Variants in SLC35D1 observed in about 807,000 individuals in gnomAD.
SLC35D1 encodes nucleotide sugar transporter SLC35D1.
Under a neutral mutation model 46.7 loss-of-function variants are expected in SLC35D1, and 31 were observed. That is an observed-to-expected ratio of 0.66 (90% confidence interval 0.50 to 0.90). The LOEUF is 0.90. Ranked by LOEUF, SLC35D1 falls within the 40% of genes least tolerant of loss-of-function variation. SLC35D1 has a pLI of 0.00. For missense variants in SLC35D1, 397 were observed against 426.2 expected (o/e 0.93, Z 0.60); for synonymous variants, 195 against 164.6 (o/e 1.18, Z -1.41).
chr1:66,991,793 GCTT>G, the SLC35D1 span, among the ~76,000 whole-genome samples: 1 of 139,808 alleles, frequency 7.2e-6, no homozygotes, highest in Non-Finnish European at 1.5e-5. Flanking sequence ...AATATTTACA[GCTT>G]TTTTTTTTAT....
chr1:67,042,234 A>C lies in SLC35D1; in HGVS notation c.729+2T>G. On this transcript the variant is annotated splice_donor_variant, in intron 8 of 11. Transcript: ENST00000235345. LOFTEE classifies it high-confidence loss of function. ...CATTAAACCGTAATTAGAAAGTCCT[A>C]CCTTTTGTGCATCTCCTGTGAAATA... 6.2e-7 allele frequency: 1 copy of C among 1,613,314 alleles called. No homozygotes were observed. The highest frequency in any genetic ancestry group is 8.5e-7 in the Non-Finnish European group (1 of 1,179,250).
the SLC35D1 span, among the ~76,000 whole-genome samples, chr1:66,973,987 AT>A: frequency 1.3e-5 from 2 of 151,916 alleles, no homozygotes; most frequent in Non-Finnish European, 2.9e-5. Flanking sequence ...TATCCAGTTG[AT>A]TTTTTTGACA....
chr1:67,037,018 G>C (rs942884861), intron 8 of SLC35D1, among the ~76,000 whole-genome samples: 3 of 152,018 alleles, frequency 2.0e-5, no homozygotes, highest in Non-Finnish European at 2.9e-5. Flanking sequence ...ATTTTAAGCT[G>C]ACAACAACTT....
chr1:66,994,436 G>C (rs979631134), downstream of SLC35D1, among the ~76,000 whole-genome samples: 5 of 152,130 alleles, frequency 3.3e-5, no homozygotes, highest in Non-Finnish European at 7.4e-5. Flanking sequence ...TTGAGGTCAG[G>C]AGTTCGAGAC....
In SLC35D1 at chr1:67,001,611, A is replaced by T. The variant is rs1338344712; in HGVS notation, c.*2729T>A. Reference sequence around the variant, plus strand: ...ATTGCCTCTTTTTCTCCCAGGAGGCAGTTAACAGGACAAAGAATTTCTGCC... The same window carrying T: ...ATTGCCTCTTTTTCTCCCAGGAGGCTGTTAACAGGACAAAGAATTTCTGCC... On this transcript the variant is annotated 3_prime_UTR_variant, in exon 12 of 12. Transcript: ENST00000235345. The T allele has an allele frequency of 6.6e-6, 1 of 152,386 alleles. No individual in the cohort carries two copies. The highest frequency in any genetic ancestry group is 1.5e-5 in the Non-Finnish European group (1 of 68,038). 9.4% of individuals were successfully genotyped at this position (152,386 alleles called of 1,614,324 possible).
intron 8 of SLC35D1, 120 bp downstream of exon 8, chr1:67,042,116 G>A (rs1014547730): frequency 2.0e-5 from 19 of 927,912 alleles, no homozygotes; most frequent in Non-Finnish European, 3.2e-5. Flanking sequence ...AAGAGTAAAT[G>A]CTCAGTTTTT....
At chr1:66,975,489 G>C in the SLC35D1 span, among the ~76,000 whole-genome samples, 1 of 151,742 alleles carries the variant, frequency 6.6e-6, no homozygotes, top group Non-Finnish European at 1.5e-5. Flanking sequence ...TGGTGCCACT[G>C]TACTCCAGCC....
At chr1:66,985,646 TCTTAA>T in the SLC35D1 span, 18 of 984,802 alleles carry the variant, frequency 1.8e-5, no homozygotes, top group East Asian at 2.2e-4. Context: ...TGTATAATTT[TCTTAA>T]CTTGTACAGT....
intron 8 of SLC35D1, among the ~76,000 whole-genome samples, chr1:67,035,576 T>C (rs2102326218): frequency 6.6e-6 from 1 of 152,212 alleles, no homozygotes; most frequent in South Asian, 2.1e-4. Flanking sequence ...ATTTGGGTCT[T>C]CTCTCTTTTT....
intron 8 of SLC35D1, among the ~76,000 whole-genome samples, chr1:67,032,294 T>A (rs982952296): frequency 1.3e-5 from 2 of 152,322 alleles, no homozygotes; most frequent in East Asian, 1.9e-4. Flanking sequence ...TTATTTTTTT[T>A]AAATTTGTTT....
chr1:66,993,843 T>C, the SLC35D1 span, among the ~76,000 whole-genome samples: 11 of 152,232 alleles, frequency 7.2e-5, no homozygotes, highest in African/African-American at 2.4e-4. Flanking sequence ...TAGCAGGCAC[T>C]CTGTTTCTTG....
intron 11 of SLC35D1, among the ~76,000 whole-genome samples, chr1:67,007,067 T>A (rs1667464915): frequency 6.6e-6 from 1 of 152,210 alleles, no homozygotes; most frequent in Non-Finnish European, 1.5e-5. Context: ...CTTCTCTTCA[T>A]TCTCTTCTCC....
chr1:67,030,909 T>G (rs1668005665), intron 8 of SLC35D1, among the ~76,000 whole-genome samples: 1 of 152,198 alleles, frequency 6.6e-6, no homozygotes, highest in African/African-American at 2.4e-5. Flanking sequence ...TTGATTGCCA[T>G]GACAACCTGT....
At chr1:67,017,810 G>C (rs191108925) in intron 10 of SLC35D1, among the ~76,000 whole-genome samples, 1 of 152,108 alleles carries the variant, frequency 6.6e-6, no homozygotes, top group African/African-American at 2.4e-5. Context: ...GGACACAAAT[G>C]TTTAATCCAT....
At chr1:67,006,388 CAT>C (rs1184876050) in intron 11 of SLC35D1, among the ~76,000 whole-genome samples, 1 of 152,202 alleles carries the variant, frequency 6.6e-6, no homozygotes, top group Non-Finnish European at 1.5e-5. Flanking sequence ...CGTCCACCCA[CAT>C]GACAGTCAAT....
intron 6 of SLC35D1, among the ~76,000 whole-genome samples, chr1:67,049,425 C>A (rs1258740930): frequency 6.6e-6 from 1 of 152,194 alleles, no homozygotes; most frequent in Non-Finnish European, 1.5e-5. Context: ...GTTTTAGTTT[C>A]TTCAACTATA....
At chr1:67,028,539 G>T (rs979348287) in intron 8 of SLC35D1, among the ~76,000 whole-genome samples, 2 of 151,972 alleles carry the variant, frequency 1.3e-5, no homozygotes, top group African/African-American at 4.8e-5. Flanking sequence ...TATACACTTA[G>T]GACCATTATA....
the SLC35D1 span, chr1:66,985,773 T>A: frequency 1.1e-6 from 1 of 948,576 alleles, no homozygotes; most frequent in Non-Finnish European, 1.3e-6. Context: ...TAAGTCATAT[T>A]TCTTATCCAG....
the SLC35D1 span, among the ~76,000 whole-genome samples, chr1:66,990,770 A>ACC: frequency 6.6e-6 from 1 of 152,164 alleles, no homozygotes; most frequent in African/African-American, 2.4e-5. Context: ...TGGTGGACTT[A>ACC]GAGTGGCCAG....
Sources: gnomAD v4.1 joint callset for allele counts (sites outside exome capture counted in the v4.1 genomes callset) on GRCh38, gnomAD v4.1.1 for gene constraint, MANE v1.5 for transcripts, NCBI Gene and HGNC (gene_info 2026-07-23, HGNC 2026-07-21) for gene names.